The following SLAMF7 variants were observed in gnomAD, a reference collection of about 807,000 sequenced individuals.
The protein encoded by SLAMF7 is SLAM family member 7.
Under a neutral mutation model 34.1 loss-of-function variants are expected in SLAMF7, and 26 were observed. That is an observed-to-expected ratio of 0.76 (90% confidence interval 0.56 to 1.06). The LOEUF is 1.06. Ranked by LOEUF, SLAMF7 falls within the 50% of genes least tolerant of loss-of-function variation. The probability of loss-of-function intolerance (pLI) is 0.00; values close to 1 mark genes in which losing one functional copy is unlikely to be tolerated. For missense variants in SLAMF7, 399 were observed against 402.5 expected, an observed-to-expected ratio of 0.99 and a Z score of 0.07; for synonymous variants, 171 against 156.4, an observed-to-expected ratio of 1.09 and a Z score of -0.70.
intron 2 of SLAMF7, among the ~76,000 whole-genome samples, chr1:160,749,236 A>T (rs1378288978): frequency 2.0e-5 from 3 of 152,194 alleles, no homozygotes; most frequent in African/African-American, 7.2e-5. Context: ...TAGTCAGGGG[A>T]GGAAGAAAAA....
intron 1 of SLAMF7, among the ~76,000 whole-genome samples, chr1:160,743,926 T>C (rs867684563): frequency 6.6e-6 from 1 of 152,210 alleles, no homozygotes; most frequent in Non-Finnish European, 1.5e-5. Flanking sequence ...TGACCTCAAG[T>C]GATCCTCCTG....
chr1:160,751,350 A>G lies in SLAMF7; in HGVS notation c.775A>G (p.Ile259Val). The G allele has an allele frequency of 6.2e-7, 1 of 1,613,024 alleles. No individual in the cohort carries two copies. The highest frequency in any genetic ancestry group is 8.5e-7 in the Non-Finnish European group (1 of 1,179,008). The change falls in exon 5 of 7, where the codon ATT becomes GTT. Residue 259 changes from isoleucine to valine, a missense_variant. Physicochemically the swap from Ile to Val is conservative, Grantham distance 29 (BLOSUM62 3). Coordinates refer to ENST00000368043, the MANE Select transcript of SLAMF7 (RefSeq NM_021181.5). ...FLKRERQEEY[I>V]EEKKRVDICR... ...CTCTCCCAACTTGCTTTTAGAGTAC[A>G]TTGAAGAGAAGAAGAGAGTGGACAT...
At chr1:160,743,334 A>T (rs565658744) in intron 1 of SLAMF7, among the ~76,000 whole-genome samples, 13 of 152,296 alleles carry the variant, frequency 8.5e-5, no homozygotes, top group African/African-American at 3.1e-4. Context: ...CAAGAGTGTG[A>T]GGTAGAAAGT....
In SLAMF7 at chr1:160,749,998, G is replaced by C. The variant is rs747486403; in HGVS notation, c.554G>C (p.Arg185Thr). 1.9e-6 allele frequency: 3 copies of C among 1,614,152 alleles called. No homozygotes were observed. Among genetic ancestry groups the C allele is most frequent in the Non-Finnish European group, 1.7e-6 (2 of 1,179,988 alleles). ...HNGSILPISWRWGESDMTFIC... is the reference protein window; with the variant it reads ...HNGSILPISWTWGESDMTFIC... ...GGGTCCATCCTCCCCATCTCCTGGA[G>C]ATGGGGAGAAAGTGATATGACCTTC... Residue 185 changes from arginine (R) to threonine (T), a missense_variant, in exon 3 of 7, where the codon AGA becomes ACA. Physicochemically the swap from Arg to Thr is moderately conservative, Grantham distance 71. Transcript: ENST00000368043.
chr1:160,754,074 A>T lies in SLAMF7; in HGVS notation c.*897A>T, dbSNP rs1664834961. ...AATCTAGTGTAGGAGACTTGGAGTC[A>T]GGCAGTGAGACTGGTGGGGCACGGG... On this transcript the variant is annotated 3_prime_UTR_variant, in exon 7 of 7. Coordinates refer to ENST00000368043, the MANE Select transcript of SLAMF7 (RefSeq NM_021181.5). The T allele has an allele frequency of 6.5e-6, 1 of 152,724 alleles. No individual in the cohort carries two copies. Among genetic ancestry groups the T allele is most frequent in the Non-Finnish European group, 1.5e-5 (1 of 68,214 alleles). 9.5% of individuals were successfully genotyped at this position (152,724 alleles called of 1,614,324 possible).
intron 3 of SLAMF7, 46 bp from the exon 4 acceptor site, chr1:160,750,258 G>A: frequency 6.2e-7 from 1 of 1,604,754 alleles, no homozygotes; most frequent in South Asian, 1.1e-5. Flanking sequence ...TCGTTTTCCT[G>A]AGCTGACTTT....
intron 2 of SLAMF7, 141 bp from the exon 3 acceptor site, chr1:160,749,680 A>T (rs1318891848): frequency 1.6e-6 from 1 of 638,036 alleles, no homozygotes; most frequent in African/African-American, 1.8e-5. Context: ...CCAGATACGA[A>T]TGAGGATTCT....
intron 5 of SLAMF7, 127 bp from the exon 6 acceptor site, chr1:160,752,059 C>G: frequency 1.4e-6 from 1 of 702,528 alleles, no homozygotes; most frequent in Non-Finnish European, 2.4e-6. Flanking sequence ...CAGAACCCTC[C>G]TTTTCCTCTC....
rs981464672 is a variant in SLAMF7, at chr1:160,754,807, A to T, written c.*1630A>T. The T allele has an allele frequency of 6.6e-6, 1 of 152,400 alleles. No individual in the cohort carries two copies. Among genetic ancestry groups the T allele is most frequent in the Admixed American group, 6.5e-5 (1 of 15,286 alleles). The allele number at this position is 152,400 out of a possible 1,614,324, so 9.4% of individuals were successfully genotyped here. On this transcript the variant is annotated 3_prime_UTR_variant, in exon 7 of 7. Coordinates refer to ENST00000368043, the MANE Select transcript of SLAMF7 (RefSeq NM_021181.5). ...ATCTTAATAAAACAGATATTGTGAG[A>T]TTCACATACAAAAAGATGCATTATT...
intron 6 of SLAMF7, 76 bp from the exon 7 acceptor site, chr1:160,753,030 G>T: frequency 7.3e-7 from 1 of 1,374,218 alleles, no homozygotes. Context: ...AAAGTTTCCT[G>T]GATGTCAGGG....
Position 160,750,386 on chromosome 1 carries a change from G to T in SLAMF7, c.732G>T (p.Gly244=), listed in dbSNP as rs757425783. 9.9e-6 allele frequency: 16 copies of T among 1,614,040 alleles called. No homozygotes were observed. The highest frequency in any genetic ancestry group is 1.7e-5 in the Admixed American group (1 of 60,018). The change falls in exon 4 of 7, where the codon GGG becomes GGT. Residue 244 remains glycine, a synonymous_variant. Transcript: ENST00000368043. ...VPLLLSLFVL[G]LFLWFLKRER... Reference sequence around the variant, plus strand: ...TCCTGCTCAGTCTCTTTGTACTGGGGCTATTTCTTTGGTTTCTGAAGAGAG... The same window carrying T: ...TCCTGCTCAGTCTCTTTGTACTGGGTCTATTTCTTTGGTTTCTGAAGAGAG...
At chr1:160,751,811 T>C (rs1343072561) in intron 5 of SLAMF7, 3 of 155,360 alleles carry the variant, frequency 1.9e-5, no homozygotes, top group Non-Finnish European at 4.0e-5. Context: ...AAGACTTCTC[T>C]AGAGATCTCT....
rs775181827 is a variant in SLAMF7, at chr1:160,739,255, T to C, written c.-47T>C. The C allele has an allele frequency of 6.4e-7, 1 of 1,570,394 alleles. No individual in the cohort carries two copies. Among genetic ancestry groups the C allele is most frequent in the African/African-American group, 1.4e-5 (1 of 73,966 alleles). On this transcript the variant is annotated 5_prime_UTR_variant, in exon 1 of 7. Coordinates refer to ENST00000368043, the MANE Select transcript of SLAMF7 (RefSeq NM_021181.5). ...CTGGGGAAGAGGTCTGAGTAATACC[T>C]AAGAGGGAAGTGGCTTCATTTCAGT...
intron 1 of SLAMF7, 75 bp downstream of exon 1, chr1:160,739,431 T>A (rs896401533): frequency 2.1e-5 from 28 of 1,335,332 alleles, no homozygotes; most frequent in Non-Finnish European, 2.9e-5. Flanking sequence ...TGTTCCACTC[T>A]GGGCCTCTGG....
intron 5 of SLAMF7, 162 bp from the exon 6 acceptor site, chr1:160,752,024 A>G (rs1664674134): frequency 5.3e-6 from 3 of 562,448 alleles, no homozygotes; most frequent in Non-Finnish European, 9.6e-6. Flanking sequence ...CCAACAAGAG[A>G]ACTTCCTACC....
In SLAMF7 at chr1:160,751,080, G is replaced by A. The variant is rs1664536915; in HGVS notation, c.770-265G>A. On this transcript the variant is annotated intron_variant, in intron 4 of 6. Coordinates refer to ENST00000368043, the MANE Select transcript of SLAMF7 (RefSeq NM_021181.5). ...TTCCCTCCTGGAAGCCCCTCTGAAAGTGTCTTTGACTTTCTCTACTTCCCA... is the reference window on the plus strand; with the variant it reads ...TTCCCTCCTGGAAGCCCCTCTGAAAATGTCTTTGACTTTCTCTACTTCCCA... The A allele has an allele frequency of 1.2e-5, 5 of 425,522 alleles. No homozygotes were observed. In the Admixed American group the frequency reaches 1.5e-4, roughly 13 times the overall value. The allele number at this position is 425,522 out of a possible 1,614,324, so 26.4% of individuals were successfully genotyped here.
intron 1 of SLAMF7, among the ~76,000 whole-genome samples, chr1:160,746,971 A>G (rs778394805): frequency 1.3e-5 from 2 of 152,216 alleles, no homozygotes; most frequent in Non-Finnish European, 1.5e-5. Context: ...TTTGAGAACA[A>G]GTAAAATCAA....
Position 160,753,236 on chromosome 1 carries a change from A to G in SLAMF7, c.*59A>G, listed in dbSNP as rs916543734. The G allele has an allele frequency of 2.0e-5, 29 of 1,414,954 alleles. No homozygotes were observed. Among genetic ancestry groups the G allele is most frequent in the Non-Finnish European group, 2.7e-5 (27 of 1,013,264 alleles). 87.6% of individuals were successfully genotyped at this position (1,414,954 alleles called of 1,614,324 possible). A position where few individuals can be genotyped will look rare whatever the true frequency, so the allele number is the denominator to read the frequency against. ...AAAAAAACAATTCTCGGCCCAAAGA[A>G]AACAATCAGAAGAATTCACTGATTT... On this transcript the variant is annotated 3_prime_UTR_variant, in exon 7 of 7. Transcript: ENST00000368043.
At chr1:160,751,681 G>C in intron 5 of SLAMF7, 1 of 459,598 alleles carries the variant, frequency 2.2e-6, no homozygotes, top group East Asian at 3.9e-5. Context: ...GCTGTGGTCT[G>C]TGAAATCACC....
Sources: allele counts gnomAD v4.1 joint callset (sites outside exome capture counted in the v4.1 genomes callset), GRCh38; gene constraint gnomAD v4.1.1; transcripts MANE v1.5; gene names NCBI Gene and HGNC (gene_info 2026-07-23, HGNC 2026-07-21).